Variants in AGBL4 observed in about 807,000 individuals in gnomAD.
The protein encoded by AGBL4 is AGBL carboxypeptidase 4.
AGBL4 carries 58 observed loss-of-function variants against 66.4 expected under a neutral mutation model. That is an observed-to-expected ratio of 0.87 (90% confidence interval 0.71 to 1.09). The LOEUF (loss-of-function observed/expected upper bound fraction) is 1.09. Ranked by LOEUF, AGBL4 falls within the 50% of genes least tolerant of loss-of-function variation. AGBL4 has a pLI of 0.00. For missense variants in AGBL4, 579 were observed against 631.0 expected (o/e 0.92, Z 0.88); for synonymous variants, 234 against 222.9 (o/e 1.05, Z -0.44).
rs564437257 is a variant in AGBL4, at chr1:48,570,339, A to G, written c.1267+16665T>C. 3.0e-3 allele frequency among the ~76,000 whole-genome samples: 452 copies of G among 152,348 alleles called. 2 individuals are homozygous for G. Among genetic ancestry groups the G allele is most frequent in the African/African-American group, 0.01 (431 of 41,572 alleles). ...TGGAGAGAGGGGTCTGTCCCGCCACAGCTTCGCAGTCTGCTGCCTCTTTGA... is the reference window on the plus strand; with the variant it reads ...TGGAGAGAGGGGTCTGTCCCGCCACGGCTTCGCAGTCTGCTGCCTCTTTGA... On this transcript the variant is annotated intron_variant, in intron 11 of 13. Coordinates refer to ENST00000371839, the MANE Select transcript of AGBL4 (RefSeq NM_032785.4).
chr1:49,047,255 A>C (rs1644102669), intron 4 of AGBL4, among the ~76,000 whole-genome samples: 2 of 152,132 alleles, frequency 1.3e-5, no homozygotes, highest in Non-Finnish European at 2.9e-5. Flanking sequence ...AAGTGACTAA[A>C]ATGATGGGCC....
rs1367293385 is a variant in AGBL4 at position 49,886,284 on chromosome 1, A to C, written c.35-34766T>G. Among the ~76,000 whole-genome samples, 14 of 152,166 alleles carry C rather than the reference A, an allele frequency of 9.2e-5. No homozygotes were observed. The East Asian group carries it at 2.7e-3, about 29-fold the overall frequency. ...ACCTATATTCAGAGAAGCAGCATCT[A>C]TGCCTTCCTCACAAAAGGCTTCCTG... On this transcript the variant is annotated intron_variant, in intron 1 of 13. Coordinates refer to ENST00000371839, the MANE Select transcript of AGBL4 (RefSeq NM_032785.4).
chr1:48,898,134 C>G (rs4304637), intron 5 of AGBL4, among the ~76,000 whole-genome samples: 2 of 152,078 alleles, frequency 1.3e-5, no homozygotes, highest in African/African-American at 2.4e-5. Flanking sequence ...GATTATTTGG[C>G]TTTTGTTTTT....
intron 4 of AGBL4, among the ~76,000 whole-genome samples, chr1:49,059,715 C>T (rs1426799103): frequency 6.6e-6 from 1 of 152,114 alleles, no homozygotes; most frequent in Non-Finnish European, 1.5e-5. Context: ...AGCTCTAAGG[C>T]CACGGGAGCC....
intron 3 of AGBL4, among the ~76,000 whole-genome samples, chr1:49,599,529 C>T (rs1456957602): frequency 6.6e-6 from 1 of 151,902 alleles, no homozygotes; most frequent in Non-Finnish European, 1.5e-5. Flanking sequence ...GTATGGTGAG[C>T]AGTCTATCTA....
chr1:49,676,463 T>G (rs1272387427), intron 3 of AGBL4, among the ~76,000 whole-genome samples: 1 of 152,072 alleles, frequency 6.6e-6, no homozygotes, highest in African/African-American at 2.4e-5. Context: ...TCATTTGGCA[T>G]TGAAAAGGCT....
chr1:49,948,277 AAT>A (rs555403751), intron 1 of AGBL4, among the ~76,000 whole-genome samples: 1,683 of 105,298 alleles, frequency 0.016, 47 homozygotes, highest in African/African-American at 0.069. Context: ...AATACATATA[AAT>A]ATATATAAAT....
At chr1:49,091,320 A>T (rs1644999461) in intron 4 of AGBL4, among the ~76,000 whole-genome samples, 1 of 152,186 alleles carries the variant, frequency 6.6e-6, no homozygotes, top group Admixed American at 6.6e-5. Flanking sequence ...AAATATTTGC[A>T]AACTATGCAT....
intron 3 of AGBL4, among the ~76,000 whole-genome samples, chr1:49,465,198 C>G (rs545686350): frequency 7.0e-6 from 1 of 143,788 alleles, no homozygotes; most frequent in Non-Finnish European, 1.5e-5. Flanking sequence ...TATTCCCTAC[C>G]CTACCCCTAC....
intron 4 of AGBL4, among the ~76,000 whole-genome samples, chr1:49,169,934 G>A (rs1355810491): frequency 6.6e-6 from 1 of 151,990 alleles, no homozygotes; most frequent in Non-Finnish European, 1.5e-5. Context: ...TAAGCAATGG[G>A]TATGCAAAGG....
At chr1:49,837,951 C>T (rs958621208) in intron 2 of AGBL4, among the ~76,000 whole-genome samples, 2 of 152,162 alleles carry the variant, frequency 1.3e-5, no homozygotes, top group Non-Finnish European at 2.9e-5. Context: ...AGATCCAACC[C>T]CACCATTTAT....
At chr1:49,811,469 A>G (rs770758963) in intron 2 of AGBL4, among the ~76,000 whole-genome samples, 1 of 152,114 alleles carries the variant, frequency 6.6e-6, no homozygotes, top group Admixed American at 6.6e-5. Flanking sequence ...CTTAGACTTT[A>G]TAAGTATCTT....
At chr1:49,967,815 T>C (rs953763965) in intron 1 of AGBL4, among the ~76,000 whole-genome samples, 1 of 152,242 alleles carries the variant, frequency 6.6e-6, no homozygotes, top group African/African-American at 2.4e-5. Context: ...CTTTGATTAC[T>C]AATAAGGCAG....
intron 5 of AGBL4, among the ~76,000 whole-genome samples, chr1:48,964,227 A>C (rs1340547351): frequency 6.6e-6 from 1 of 152,214 alleles, no homozygotes; most frequent in African/African-American, 2.4e-5. Flanking sequence ...TCCTACTGCC[A>C]TACCTGAGCC....
intron 3 of AGBL4, among the ~76,000 whole-genome samples, chr1:49,323,694 A>C (rs1645173168): frequency 1.3e-5 from 2 of 151,024 alleles, no homozygotes; most frequent in African/African-American, 4.9e-5. Context: ...GCGTGAATCC[A>C]GGAGGCAGAG....
At position 49,092,902 on chromosome 1, in the gene AGBL4, G is replaced by C. The variant is rs139245759; in HGVS notation, c.378-47102C>G. Among the ~76,000 whole-genome samples the C allele has an allele frequency of 1.2e-4, 18 of 152,240 alleles. No homozygotes were observed. The East Asian group carries it at 3.3e-3, about 28-fold the overall frequency. On this transcript the variant is annotated intron_variant, in intron 4 of 13. Coordinates refer to ENST00000371839, the MANE Select transcript of AGBL4 (RefSeq NM_032785.4). Reference sequence around the variant, plus strand: ...GGCACTTGAAATTTACTCTTCAGAGGACAGTGGTAAAGGAGGCCTTTTGTG... The same window carrying C: ...GGCACTTGAAATTTACTCTTCAGAGCACAGTGGTAAAGGAGGCCTTTTGTG...
At chr1:49,665,054 A>C (rs1238082588) in intron 3 of AGBL4, among the ~76,000 whole-genome samples, 1 of 152,164 alleles carries the variant, frequency 6.6e-6, no homozygotes, top group Non-Finnish European at 1.5e-5. Context: ...GAATATTAAG[A>C]AATTTTTAGA....
chr1:49,294,893 C>T (rs1644610455), intron 3 of AGBL4, among the ~76,000 whole-genome samples: 1 of 152,178 alleles, frequency 6.6e-6, no homozygotes, highest in Admixed American at 6.5e-5. Context: ...TTGTAAAATA[C>T]TTGTTTACTT....
chr1:48,754,292 T>C (rs943426809), intron 6 of AGBL4, among the ~76,000 whole-genome samples: 7 of 152,100 alleles, frequency 4.6e-5, no homozygotes, highest in Non-Finnish European at 2.9e-5. Flanking sequence ...CTTCCCTTCA[T>C]CCCCTAAAAT....
Sources: allele counts gnomAD v4.1 joint callset (sites outside exome capture counted in the v4.1 genomes callset), GRCh38; gene constraint gnomAD v4.1.1; transcripts MANE v1.5; gene names NCBI Gene and HGNC (gene_info 2026-07-23, HGNC 2026-07-21).